The following RBM12B variants were observed in gnomAD, a reference collection of about 807,000 sequenced individuals.
The protein encoded by RBM12B is RNA-binding protein 12B.
A neutral mutation model predicts 34.3 loss-of-function variants in RBM12B; 10 were observed. That is an observed-to-expected ratio of 0.29 (90% CI 0.18 to 0.49). The LOEUF (loss-of-function observed/expected upper bound fraction) is 0.49, where lower values mean the gene tolerates loss of function less well. Among genes scored for constraint, RBM12B ranks in the 20% least tolerant of loss-of-function variants. The probability of loss-of-function intolerance (pLI) is 0.99; values close to 1 mark genes in which losing one functional copy is unlikely to be tolerated. For synonymous variants in RBM12B, 477 were observed against 437.1 expected (o/e 1.09, Z -1.14); for missense variants, 1,139 against 1,262.7 (o/e 0.90, Z 1.48).
intron 2 of RBM12B, chr8:93,740,380 C>T (rs1812162752): frequency 2.2e-6 from 1 of 457,272 alleles, no homozygotes; most frequent in African/African-American, 2.0e-5. Context: ...GCCAAAGTTG[C>T]TACGTGGGAT....
At chr8:93,737,026 C>T (rs914877594) in intron 3 of RBM12B, among the ~76,000 whole-genome samples, 4 of 152,098 alleles carry the variant, frequency 2.6e-5, no homozygotes, top group Admixed American at 6.5e-5. Flanking sequence ...GGCAACAGAG[C>T]GAGAGCCCGT....
chr8:93,738,791 A>C (rs1812103043), intron 2 of RBM12B, among the ~76,000 whole-genome samples: 1 of 152,216 alleles, frequency 6.6e-6, no homozygotes, highest in Admixed American at 6.5e-5. Context: ...ATGTACAAAT[A>C]AATGTTGCGT....
chr8:93,740,921 G>A lies in RBM12B; in HGVS notation c.-186C>T, dbSNP rs1563666124. 8.6e-6 allele frequency: 2 copies of A among 231,738 alleles called. No homozygotes were observed. Among genetic ancestry groups the A allele is most frequent in the East Asian group, 2.4e-4 (2 of 8,460 alleles). 14.4% of individuals were successfully genotyped at this position (231,738 alleles called of 1,614,324 possible). A position where few individuals can be genotyped will look rare whatever the true frequency, so the allele number is the denominator to read the frequency against. On this transcript the variant is annotated 5_prime_UTR_variant, in exon 1 of 4. Coordinates refer to ENST00000520560, the MANE Select transcript of RBM12B (RefSeq NM_001377960.1). ...GGACACACAAGGCCGGAGGCTGAGG[G>A]AACTCTTCGTCGCAGCAGCCTCCCC... is the stretch of plus-strand genomic sequence containing the variant.
At chr8:93,739,045 T>C (rs1237161680) in intron 2 of RBM12B, 1 of 152,188 alleles carries the variant, frequency 6.6e-6, no homozygotes, top group Non-Finnish European at 1.5e-5. Context: ...AACAAACCAA[T>C]ATCCATACTA....
At position 93,731,365 on chromosome 8, in the gene RBM12B, C is replaced by G. The variant is rs35309343; in HGVS notation, c.*2040G>C. ...CAAAATGGGTGACCAAATGAACCAT[C>G]TATACAATCTTTGCTCAATTAAAAA... On this transcript the variant is annotated 3_prime_UTR_variant, in exon 4 of 4. Coordinates refer to ENST00000520560, the MANE Select transcript of RBM12B (RefSeq NM_001377960.1). The G allele has an allele frequency of 6.6e-6, 1 of 152,168 alleles. No individual in the cohort carries two copies. Among genetic ancestry groups the G allele is most frequent in the Admixed American group, 6.5e-5 (1 of 15,282 alleles). 9.4% of individuals were successfully genotyped at this position (152,168 alleles called of 1,614,324 possible). A position where few individuals can be genotyped will look rare whatever the true frequency, so the allele number is the denominator to read the frequency against.
rs1460879171 is a variant in RBM12B at position 93,736,138 on chromosome 8, T to C, written c.273A>G (p.Val91=). ...TCCCAGATCCTGGACGCCCTCTTCC[T>C]ACACGATCAGTTCTTTTCATTTCTA... The part of the protein sequence containing the change: ...KTIEMKRTDR[V]GRGRPGSGTS... The change falls in exon 4 of 4, where the codon GTA becomes GTG. Residue 91 remains valine, a synonymous_variant. Transcript: ENST00000520560. The C allele has an allele frequency of 1.9e-6, 3 of 1,614,126 alleles. No homozygotes were observed. The African/African-American group carries it at 4.0e-5, about 22-fold the overall frequency.
rs1812192280 is a variant in RBM12B at position 93,740,953 on chromosome 8, G to A, written c.-218C>T. 1 of 205,234 alleles carries A rather than the reference G, an allele frequency of 4.9e-6. No homozygotes were observed. Among genetic ancestry groups the A allele is most frequent in the African/African-American group, 2.4e-5 (1 of 42,542 alleles). 12.7% of individuals were successfully genotyped at this position (205,234 alleles called of 1,614,324 possible). On this transcript the variant is annotated 5_prime_UTR_variant, in exon 1 of 4. Transcript: ENST00000520560. Reference sequence around the variant, plus strand: ...TCGTCGCAGCAGCCTCCCCAAAACAGGTAGACCCTCAGTGAGCCCAGAAGA... The same window carrying A: ...TCGTCGCAGCAGCCTCCCCAAAACAAGTAGACCCTCAGTGAGCCCAGAAGA...
rs550392543 is a variant in RBM12B, at chr8:93,731,347, G to C, written c.*2058C>G. 2 of 152,094 alleles carry C rather than the reference G, an allele frequency of 1.3e-5. No individual in the cohort carries two copies. The highest frequency in any genetic ancestry group is 4.8e-5 in the African/African-American group (2 of 41,482). 9.4% of individuals were successfully genotyped at this position (152,094 alleles called of 1,614,324 possible). A position where few individuals can be genotyped will look rare whatever the true frequency, so the allele number is the denominator to read the frequency against. Reference sequence around the variant, plus strand: ...AACTTTCCATATATTATTCAAAATGGGTGACCAAATGAACCATCTATACAA... The same window carrying C: ...AACTTTCCATATATTATTCAAAATGCGTGACCAAATGAACCATCTATACAA... On this transcript the variant is annotated 3_prime_UTR_variant, in exon 4 of 4. Transcript: ENST00000520560.
rs770932742 is a variant in RBM12B, at chr8:93,735,521, T to C, written c.890A>G (p.Glu297Gly). Reference sequence around the variant, plus strand: ...TCTAAAGAAATTTCTTAAATCTCTTTCGTCAATACTGAGGGACAGATTTTT... The same window carrying C: ...TCTAAAGAAATTTCTTAAATCTCTTCCGTCAATACTGAGGGACAGATTTTT... ...HLKNLSLSID[E>G]RDLRNFFRGT... The change falls in exon 4 of 4, where the codon GAA becomes GGA. Residue 297 changes from glutamate to glycine, a missense_variant. By Grantham distance (98) the Glu-to-Gly change is moderately conservative. This residue lies in a region of RBM12B where 863 missense variants were observed against 869.5 expected (regional missense o/e 0.99). Coordinates refer to ENST00000520560, the MANE Select transcript of RBM12B (RefSeq NM_001377960.1). The C allele has an allele frequency of 1.3e-5, 21 of 1,613,824 alleles. No individual in the cohort carries two copies. Among genetic ancestry groups the C allele is most frequent in the African/African-American group, 4.0e-5 (3 of 74,916 alleles).
Position 93,734,669 on chromosome 8 carries a change from C to CGCCTGAAGTCCTCTGGGGAGT in RBM12B, c.1721_1741dup (p.His574_Arg580dup), listed in dbSNP as rs760608044. ...CCGCCTGAAGTCTTCCTCCCTAGGT[C>CGCCTGAAGTCCTCTGGGGAGT]GCCTGAAGTCCTCTGGGGAGTGCCT... On this transcript the variant is annotated inframe_insertion, in exon 4 of 4. Coordinates refer to ENST00000520560, the MANE Select transcript of RBM12B (RefSeq NM_001377960.1). The CGCCTGAAGTCCTCTGGGGAGT allele has an allele frequency of 6.9e-5, 112 of 1,613,814 alleles. No individual in the cohort carries two copies. The highest frequency in any genetic ancestry group is 1.6e-4 in the Middle Eastern group (1 of 6,082).
Position 93,734,298 on chromosome 8 carries a change from C to G in RBM12B, c.2113G>C (p.Glu705Gln), listed in dbSNP as rs1456075403. The stretch of plus-strand genomic sequence containing the variant: ...TCCTCAGGGGAATGCCTGAAATCCT[C>G]CTCTGGGGGCCGCCTGAAGTCATCC... ...PEDDFRRPPE[E>Q]DFRHSPEEDF... The change falls in exon 4 of 4, where the codon GAG becomes CAG. Residue 705 changes from glutamate (E) to glutamine (Q), a missense_variant. Physicochemically the swap from Glu to Gln is conservative, Grantham distance 29. This residue lies in a region of RBM12B where 863 missense variants were observed against 869.5 expected (regional missense o/e 0.99). Coordinates refer to ENST00000520560, the MANE Select transcript of RBM12B (RefSeq NM_001377960.1). 2 of 1,613,868 alleles carry G rather than the reference C, an allele frequency of 1.2e-6. No individual in the cohort carries two copies. Among genetic ancestry groups the G allele is most frequent in the South Asian group, 2.2e-5 (2 of 91,058 alleles).
Position 93,729,681 on chromosome 8 carries a change from T to TA in RBM12B, c.*3723dup, listed in dbSNP as rs1370005334. ...GACCAGCCTAGGTTGGCAAACTTCTTAAAGGGCCAGATAGCAAATACTGTT... is the reference window on the plus strand; with the variant it reads ...GACCAGCCTAGGTTGGCAAACTTCTTAAAAGGGCCAGATAGCAAATACTGTT... On this transcript the variant is annotated 3_prime_UTR_variant, in exon 4 of 4. Coordinates refer to ENST00000520560, the MANE Select transcript of RBM12B (RefSeq NM_001377960.1). 2 of 152,176 alleles carry TA rather than the reference T, an allele frequency of 1.3e-5. No homozygotes were observed. Among genetic ancestry groups the TA allele is most frequent in the African/African-American group, 4.8e-5 (2 of 41,450 alleles). The allele number at this position is 152,176 out of a possible 1,614,324, so 9.4% of individuals were successfully genotyped here.
chr8:93,740,750 G>A (rs1812183088), intron 1 of RBM12B, 54 bp from the exon 2 acceptor site: 3 of 354,290 alleles, frequency 8.5e-6, no homozygotes, highest in Admixed American at 7.6e-5. Flanking sequence ...TGCCCTAACG[G>A]CAGGAGCTAC....
Position 93,734,305 on chromosome 8 carries a change from G to C in RBM12B, c.2106C>G (p.Pro702=). The change falls in exon 4 of 4, where the codon CCC becomes CCG. Residue 702 remains proline, a synonymous_variant. Coordinates refer to ENST00000520560, the MANE Select transcript of RBM12B (RefSeq NM_001377960.1). ...GGGAATGCCTGAAATCCTCCTCTGGGGGCCGCCTGAAGTCATCCTCGGGTG... is the reference window on the plus strand; with the variant it reads ...GGGAATGCCTGAAATCCTCCTCTGGCGGCCGCCTGAAGTCATCCTCGGGTG... ...RRPPEDDFRR[P]PEEDFRHSPE... The C allele has an allele frequency of 6.2e-7, 1 of 1,611,340 alleles. No individual in the cohort carries two copies. Among genetic ancestry groups the C allele is most frequent in the Non-Finnish European group, 8.5e-7 (1 of 1,179,038 alleles).
rs147392141 is a variant in RBM12B, at chr8:93,728,272, CAGA to C, written c.*5130_*5132del. 6.0e-3 allele frequency: 9,472 copies of C among 1,588,484 alleles called. 444 individuals are homozygous for C. In the African/African-American group the frequency reaches 0.11, roughly 18 times the overall value. On this transcript the variant is annotated 3_prime_UTR_variant, in exon 4 of 4. Coordinates refer to ENST00000520560, the MANE Select transcript of RBM12B (RefSeq NM_001377960.1). ...GATGAGGATGACGAGTTAGATGTTA[CAGA>C]AGAAGAAAATTTTCTTAAGTAAACT...
At chr8:93,739,762 AAAG>A (rs369264731) in intron 2 of RBM12B, among the ~76,000 whole-genome samples, 56 of 152,340 alleles carry the variant, frequency 3.7e-4, no homozygotes, top group African/African-American at 1.3e-3. Context: ...ATTTCTATGA[AAAG>A]AAGAGTGGGT....
intron 2 of RBM12B, chr8:93,739,978 G>C (rs1812144212): frequency 3.3e-6 from 1 of 303,420 alleles, no homozygotes; most frequent in Non-Finnish European, 6.4e-6. Flanking sequence ...AGATCCATTT[G>C]ATTTTTAACT....
chr8:93,734,526 GCCTCCAGTCCTCCTCAAGGGGCCT>G lies in RBM12B; in HGVS notation c.1861_1884del (p.Trp627_Asp634del), dbSNP rs750983489. 5.1e-5 allele frequency: 82 copies of G among 1,613,374 alleles called. No individual in the cohort carries two copies. Among genetic ancestry groups the G allele is most frequent in the South Asian group, 2.1e-4 (19 of 91,042 alleles). On this transcript the variant is annotated inframe_deletion, in exon 4 of 4. Transcript: ENST00000520560. Reference sequence around the variant, plus strand: ...CGCCTGAAATCCTCCTCCAGTGGCCGCCTCCAGTCCTCCTCAAGGGGCCTCCTCCAGTCCTCCTCCCTAGGGTGC... The same window carrying G: ...CGCCTGAAATCCTCCTCCAGTGGCCGCCTCCAGTCCTCCTCCCTAGGGTGC...
chr8:93,734,022 G>T lies in RBM12B; in HGVS notation c.2389C>A (p.Arg797Ser). The change falls in exon 4 of 4, where the codon CGC (arginine) becomes AGC (serine). Residue 797 changes from arginine to serine, a missense_variant. Around this residue, in one of 3 missense-constraint regions of RBM12B, gnomAD observed 863 missense variants for 869.5 expected, o/e 0.99. Coordinates refer to ENST00000520560, the MANE Select transcript of RBM12B (RefSeq NM_001377960.1). Reference protein sequence around the residue: ...FRRPPQEHFRRSREEDFRHPP... With the variant: ...FRRPPQEHFRSSREEDFRHPP... The stretch of plus-strand genomic sequence containing the variant: ...TGCCTGAAATCTTCCTCTCGGGAGC[G>T]CCTGAAATGCTCCTGAGGCGGCCGC... The T allele has an allele frequency of 6.2e-7, 1 of 1,604,862 alleles. No homozygotes were observed.
Sources: allele counts gnomAD v4.1 joint callset (sites outside exome capture counted in the v4.1 genomes callset), GRCh38; gene constraint gnomAD v4.1.1; regional missense constraint gnomAD v4.1.1; transcripts MANE v1.5; gene names NCBI Gene and HGNC (gene_info 2026-07-23, HGNC 2026-07-21).